ZFAT: variants seen among roughly 807,000 people sequenced by gnomAD.
The protein encoded by ZFAT is zinc finger and AT-hook domain containing.
Under a neutral mutation model 117.7 loss-of-function variants are expected in ZFAT, and 64 were observed. That is an observed-to-expected ratio of 0.54 (90% CI 0.44 to 0.67). The LOEUF (loss-of-function observed/expected upper bound fraction) is 0.67, where lower values mean the gene tolerates loss of function less well. ZFAT is among the 30% of genes least tolerant of loss of function. The pLI, the probability that ZFAT is intolerant of heterozygous loss-of-function variation, is 0.00. For missense variants in ZFAT, 1,433 were observed against 1,584.5 expected, an observed-to-expected ratio of 0.90 and a Z score of 1.62; for synonymous variants, 679 against 615.0, an observed-to-expected ratio of 1.10 and a Z score of -1.54.
At chr8:134,573,422 T>C (rs530411670) in intron 10 of ZFAT, among the ~76,000 whole-genome samples, 1 of 152,328 alleles carries the variant, frequency 6.6e-6, no homozygotes, top group South Asian at 2.1e-4. Flanking sequence ...CTTTGAAGAC[T>C]GTATGGCAGT....
At chr8:134,530,976 C>T (rs1356268847) in intron 12 of ZFAT, among the ~76,000 whole-genome samples, 3 of 152,112 alleles carry the variant, frequency 2.0e-5, no homozygotes, top group Non-Finnish European at 4.4e-5. Flanking sequence ...GGTCCTGGAA[C>T]CAATCCCCCA....
the ZFAT span, among the ~76,000 whole-genome samples, chr8:134,724,779 G>A: frequency 6.6e-6 from 1 of 152,092 alleles, no homozygotes; most frequent in African/African-American, 2.4e-5. Context: ...TAGCAAGGGG[G>A]AGAAACTCGC....
the ZFAT span, among the ~76,000 whole-genome samples, chr8:134,776,087 C>A: frequency 6.6e-6 from 1 of 152,172 alleles, no homozygotes; most frequent in Non-Finnish European, 1.5e-5. Flanking sequence ...CAATTTCCAA[C>A]CTGTAAGTCC....
At chr8:134,542,779 G>A (rs1822364547) in intron 11 of ZFAT, among the ~76,000 whole-genome samples, 1 of 152,080 alleles carries the variant, frequency 6.6e-6, no homozygotes, top group South Asian at 2.1e-4. Flanking sequence ...GGGGGCAGGG[G>A]AAGGAGAGCA....
chr8:134,724,553 TA>T, the ZFAT span, among the ~76,000 whole-genome samples: 1 of 151,860 alleles, frequency 6.6e-6, no homozygotes, highest in Non-Finnish European at 1.5e-5. Context: ...TTCGTTAGTA[TA>T]ATAACCACCA....
intron 1 of ZFAT, among the ~76,000 whole-genome samples, chr8:134,686,354 G>A (rs1188198340): frequency 6.6e-6 from 1 of 152,150 alleles, no homozygotes; most frequent in Non-Finnish European, 1.5e-5. Context: ...CCTGGGTTGG[G>A]GGCTGGGACC....
chr8:134,754,179 T>C, the ZFAT span, among the ~76,000 whole-genome samples: 1 of 152,206 alleles, frequency 6.6e-6, no homozygotes, highest in Non-Finnish European at 1.5e-5. Context: ...CATTATCGCC[T>C]ACAGGCAGGA....
rs755355100 is a variant in ZFAT, at chr8:134,657,745, GAA to G, written c.20-10_20-9del. 1 of 1,594,830 alleles carries G rather than the reference GAA, an allele frequency of 6.3e-7. No homozygotes were observed. The highest frequency in any genetic ancestry group is 8.5e-7 in the Non-Finnish European group (1 of 1,172,936). On this transcript the variant is annotated splice_polypyrimidine_tract_variant and intron_variant, in intron 1 of 15. Coordinates refer to ENST00000377838, the MANE Select transcript of ZFAT (RefSeq NM_020863.4). ...TAAAGATGGCCGTGTTTTCTGTAAG[GAA>G]AAAAAAGGAAAATATGTTATTTCAT... is the stretch of plus-strand genomic sequence containing the variant.
the ZFAT span, among the ~76,000 whole-genome samples, chr8:134,824,733 A>C: frequency 6.6e-6 from 1 of 152,234 alleles, no homozygotes; most frequent in Non-Finnish European, 1.5e-5. Flanking sequence ...ATAGCATGAG[A>C]TCTTCAAAAT....
At chr8:134,497,778 T>G (rs1302473261) in intron 15 of ZFAT, among the ~76,000 whole-genome samples, 1 of 110,450 alleles carries the variant, frequency 9.1e-6, no homozygotes, top group Non-Finnish European at 1.9e-5. Context: ...CAGAGCCTGA[T>G]TTGGTAGGGT....
intron 11 of ZFAT, among the ~76,000 whole-genome samples, chr8:134,551,558 T>C (rs1371999621): frequency 5.9e-5 from 9 of 152,208 alleles, no homozygotes; most frequent in Admixed American, 5.9e-4. Context: ...CCATAAGCAA[T>C]GCCAGATGAC....
intron 1 of ZFAT, among the ~76,000 whole-genome samples, chr8:134,705,085 T>C (rs1047615031): frequency 2.6e-5 from 4 of 151,936 alleles, no homozygotes; most frequent in African/African-American, 9.7e-5. Flanking sequence ...TGGGAGAAAA[T>C]ATTCACAACA....
chr8:134,717,793 G>T (rs917632578), upstream of ZFAT, among the ~76,000 whole-genome samples: 3 of 151,892 alleles, frequency 2.0e-5, no homozygotes, highest in African/African-American at 7.3e-5. Flanking sequence ...CCGCCTCCAG[G>T]ATTCAGGCCT....
chr8:134,576,044 C>G (rs1270613908), intron 10 of ZFAT, among the ~76,000 whole-genome samples: 1 of 152,044 alleles, frequency 6.6e-6, no homozygotes, highest in African/African-American at 2.4e-5. Flanking sequence ...GGAAAGAAAC[C>G]GAAGGCAGCA....
intron 1 of ZFAT, chr8:134,673,100 G>A (rs1832636909): frequency 6.6e-6 from 1 of 152,006 alleles, no homozygotes; most frequent in Non-Finnish European, 1.5e-5. Flanking sequence ...ATGAGGGAGG[G>A]AGTCCTCTCA....
chr8:134,628,708 C>T (rs769499774), intron 3 of ZFAT, among the ~76,000 whole-genome samples: 1 of 152,178 alleles, frequency 6.6e-6, no homozygotes. Flanking sequence ...TGTATCTGAG[C>T]CAAAAGGCCT....
At chr8:134,651,542 C>A (rs77468930) in intron 2 of ZFAT, among the ~76,000 whole-genome samples, 2,955 of 152,202 alleles carry the variant, frequency 0.019, 116 homozygotes, top group African/African-American at 0.068. Context: ...CTAATTTTAT[C>A]TCATATGAAT....
chr8:134,822,334 A>G, the ZFAT span, among the ~76,000 whole-genome samples: 2 of 152,016 alleles, frequency 1.3e-5, 1 homozygote, highest in African/African-American at 4.8e-5. Context: ...ACTATTCAAA[A>G]TCCAGCACTT....
intron 12 of ZFAT, among the ~76,000 whole-genome samples, chr8:134,531,892 C>T (rs1181215071): frequency 6.6e-6 from 1 of 152,200 alleles, no homozygotes; most frequent in Non-Finnish European, 1.5e-5. Flanking sequence ...TGAAACAAAA[C>T]TCCAAGCATC....
Sources: allele counts gnomAD v4.1 joint callset (sites outside exome capture counted in the v4.1 genomes callset), GRCh38; gene constraint gnomAD v4.1.1; transcripts MANE v1.5; gene names NCBI Gene and HGNC (gene_info 2026-07-23, HGNC 2026-07-21).